Variants in EXD3 observed in about 807,000 individuals in gnomAD.
EXD3 encodes exonuclease 3'-5' domain containing 3.
In EXD3, 92 loss-of-function variants were observed where a neutral mutation model predicts 98.0. The observed-to-expected ratio is 0.94, with a 90% CI of 0.79 to 1.12. EXD3 has a LOEUF of 1.12. Ranked by LOEUF, EXD3 falls within the 50% of genes most tolerant of loss-of-function variation. EXD3 has a pLI of 0.00. For missense variants in EXD3, 1,222 were observed against 1,191.6 expected (o/e 1.03, Z -0.38); for synonymous variants, 569 against 526.0 (o/e 1.08, Z -1.12).
At chr9:137,326,133 G>A (rs541727430) in intron 17 of EXD3, among the ~76,000 whole-genome samples, 2 of 151,442 alleles carry the variant, frequency 1.3e-5, no homozygotes, top group Non-Finnish European at 2.9e-5. Context: ...ACTTCCTGGC[G>A]CTGTATTTGG....
At chr9:137,406,210 T>G (rs1837703348) in intron 1 of EXD3, among the ~76,000 whole-genome samples, 1 of 129,250 alleles carries the variant, frequency 7.7e-6, no homozygotes, top group Non-Finnish European at 1.6e-5. Flanking sequence ...AGCAAGACCC[T>G]GTTTCCAAAA....
intron 3 of EXD3, among the ~76,000 whole-genome samples, chr9:137,376,234 C>T (rs1479844809): frequency 2.0e-5 from 3 of 149,998 alleles, no homozygotes; most frequent in Non-Finnish European, 4.4e-5. Context: ...GTCCCAGCTA[C>T]TCGGGAGGCA....
intron 1 of EXD3, among the ~76,000 whole-genome samples, chr9:137,399,084 GAC>G: frequency 6.6e-6 from 1 of 152,360 alleles, no homozygotes; most frequent in Middle Eastern, 3.4e-3. Context: ...ACGTCCCCAT[GAC>G]ACACGCACAC....
At chr9:137,412,764 A>T (rs567447166) in intron 1 of EXD3, among the ~76,000 whole-genome samples, 21 of 152,310 alleles carry the variant, frequency 1.4e-4, no homozygotes, top group African/African-American at 4.1e-4. Flanking sequence ...CCATGTGTTT[A>T]CCATCTCAGT....
chr9:137,355,710 A>AGGAAGGAGAAAGGGAGGAAGGC (rs1564509290), intron 8 of EXD3, among the ~76,000 whole-genome samples: 24 of 99,686 alleles, frequency 2.4e-4, no homozygotes, highest in Admixed American at 4.6e-4. Flanking sequence ...AGGAGGAAGG[A>AGGAAGGAGAAAGGGAGGAAGGC]GGAAGGAGGA....
chr9:137,418,690 CAG>C (rs1204787154), intron 1 of EXD3, among the ~76,000 whole-genome samples: 5 of 151,388 alleles, frequency 3.3e-5, no homozygotes, highest in East Asian at 1.9e-4. Flanking sequence ...ATAAGAAAAG[CAG>C]AGTTTGTTTT....
rs369604994 is a variant in EXD3 at position 137,354,345 on chromosome 9, A to G, written c.864T>C (p.His288=). 114 of 1,612,340 alleles carry G rather than the reference A, an allele frequency of 7.1e-5. No individual in the cohort carries two copies. In the South Asian group the frequency reaches 7.9e-4, roughly 11 times the overall value. ...KSLSQENWTD[H]VQGLVGQSPW... is the part of the protein sequence containing the mutation. ...GGCAAGGGCACGAACTCACCTGCAC[A>G]TGGTCGGTCCAGTTCTCCTGTGACA... Residue 288 remains histidine (H), a synonymous_variant, in exon 10 of 22, where the codon CAT becomes CAC. Transcript: ENST00000340951.
chr9:137,377,450 A>T (rs1339731850), intron 3 of EXD3, among the ~76,000 whole-genome samples: 1 of 150,626 alleles, frequency 6.6e-6, no homozygotes, highest in Non-Finnish European at 1.5e-5. Context: ...GTCTCTAAAA[A>T]AAAAAAAAAA....
chr9:137,352,348 G>T, intron 11 of EXD3, 147 bp from the exon 12 acceptor site: 10 of 1,197,022 alleles, frequency 8.4e-6, no homozygotes, highest in Non-Finnish European at 1.2e-5. Context: ...GTCCAGCCCA[G>T]CGTGACCCTT....
chr9:137,329,556 ACTACACGGGACTACACGGGG>A (rs1312926170), intron 17 of EXD3, among the ~76,000 whole-genome samples: 38 of 7,390 alleles, frequency 5.1e-3, no homozygotes, highest in Non-Finnish European at 6.7e-3. Flanking sequence ...ACTACACGGG[ACTACACGGGACTACACGGGG>A]CTACACGGGA....
At position 137,393,517 on chromosome 9, in the gene EXD3, T is replaced by C. The variant is rs1488696477; in HGVS notation, c.55+1786A>G. 1.3e-5 allele frequency among the ~76,000 whole-genome samples: 2 copies of C among 152,214 alleles called. No homozygotes were observed. Among genetic ancestry groups the C allele is most frequent in the Admixed American group, 6.5e-5 (1 of 15,294 alleles). The stretch of plus-strand genomic sequence containing the variant: ...CACCAAGCCCCGCCCAGCTCAGAGG[T>C]GGCCCCTCCCCGAGCACACGCTGAC... On this transcript the variant is annotated intron_variant, in intron 2 of 21. Coordinates refer to ENST00000340951, the MANE Select transcript of EXD3 (RefSeq NM_017820.5). The surrounding 1 kb of genome is among the most constrained non-coding windows in gnomAD (Gnocchi z 4.6).
rs1834984568 is a variant in EXD3, at chr9:137,361,165, C to T, written c.657-4797G>A. The stretch of plus-strand genomic sequence containing the variant: ...CAGCAACATGCGAGGGAAGGGGAAC[C>T]CAGGAGACACTGGGTGCTTCCCTGA... On this transcript the variant is annotated intron_variant, in intron 7 of 21. Coordinates refer to ENST00000340951, the MANE Select transcript of EXD3 (RefSeq NM_017820.5). Among the ~76,000 whole-genome samples the T allele has an allele frequency of 2.3e-5, 2 of 86,778 alleles. 1 individual carries two copies. Among genetic ancestry groups the T allele is most frequent in the African/African-American group, 6.4e-5 (2 of 31,394 alleles). The allele number at this position is 86,778 out of a possible 152,430, so 56.9% of individuals were successfully genotyped here.
intron 1 of EXD3, among the ~76,000 whole-genome samples, chr9:137,418,361 C>CAACA (rs953816004): frequency 3.3e-5 from 5 of 152,130 alleles, no homozygotes; most frequent in African/African-American, 4.8e-5. Flanking sequence ...AAAAAACAAA[C>CAACA]AACAAACAAA....
At chr9:137,406,763 C>T (rs1564215123) in intron 1 of EXD3, among the ~76,000 whole-genome samples, 3 of 152,144 alleles carry the variant, frequency 2.0e-5, no homozygotes, top group African/African-American at 4.8e-5. Context: ...CCTCAGTGGG[C>T]GGTAGACCCT....
chr9:137,368,082 C>A, intron 5 of EXD3, 93 bp from the exon 6 acceptor site: 1 of 1,057,508 alleles, frequency 9.5e-7, no homozygotes, highest in South Asian at 1.4e-5. Flanking sequence ...GCACCAGCAC[C>A]TGGTCACTGA....
At chr9:137,361,779 G>A (rs1835007538) in intron 7 of EXD3, among the ~76,000 whole-genome samples, 1 of 149,970 alleles carries the variant, frequency 6.7e-6, no homozygotes, top group South Asian at 2.1e-4. Context: ...CAGGCATGCA[G>A]AGAAGAGGAA....
At chr9:137,355,763 A>T (rs948698379) in intron 8 of EXD3, among the ~76,000 whole-genome samples, 11 of 151,080 alleles carry the variant, frequency 7.3e-5, no homozygotes, top group Non-Finnish European at 1.3e-4. Context: ...TCCAGATAAA[A>T]TTCAAACTTC....
chr9:137,324,579 C>T lies in EXD3; in HGVS notation c.1999-436G>A, dbSNP rs1036410575. The stretch of plus-strand genomic sequence containing the variant: ...ACGATGCTCTGGGTGACAGTGTCGA[C>T]GTGGCTCTTCCCAAAGCTTTGTATG... On this transcript the variant is annotated intron_variant, in intron 17 of 21. Coordinates refer to ENST00000340951, the MANE Select transcript of EXD3 (RefSeq NM_017820.5). The surrounding 1 kb of genome is among the most constrained non-coding windows in gnomAD (Gnocchi z 4.1). Among the ~76,000 whole-genome samples the T allele has an allele frequency of 4.6e-5, 7 of 152,128 alleles. No individual in the cohort carries two copies. The highest frequency in any genetic ancestry group is 1.2e-4 in the African/African-American group (5 of 41,428).
chr9:137,356,378 G>A lies in EXD3; in HGVS notation c.657-10C>T. The A allele has an allele frequency of 1.3e-6, 2 of 1,542,642 alleles. No individual in the cohort carries two copies. Among genetic ancestry groups the A allele is most frequent in the Non-Finnish European group, 1.8e-6 (2 of 1,125,996 alleles). ...CACCTCAGGGTACCGTCTGTGGGGA[G>A]AGAGAGGCACAGCCTCTGTTGCTGT... On this transcript the variant is annotated splice_polypyrimidine_tract_variant and intron_variant, in intron 7 of 21. Coordinates refer to ENST00000340951, the MANE Select transcript of EXD3 (RefSeq NM_017820.5).
Sources: gnomAD v4.1 joint callset for allele counts (sites outside exome capture counted in the v4.1 genomes callset) on GRCh38, gnomAD v4.1.1 for gene constraint, Gnocchi (gnomAD v3.1) non-coding constraint, MANE v1.5 for transcripts, NCBI Gene and HGNC (gene_info 2026-07-23, HGNC 2026-07-21) for gene names.